AKT3: variants seen among roughly 807,000 people sequenced by gnomAD.
AKT3 encodes AKT serine/threonine kinase 3.
In AKT3, 15 loss-of-function variants were observed where a neutral mutation model predicts 65.3. The observed-to-expected ratio is 0.23, with a 90% CI of 0.15 to 0.35. The LOEUF is 0.35. Ranked by LOEUF, AKT3 falls within the 10% of genes least tolerant of loss-of-function variation. AKT3 has a pLI of 1.00. For missense variants in AKT3, 243 were observed against 576.5 expected (o/e 0.42, Z 5.92); for synonymous variants, 206 against 183.8 (o/e 1.12, Z -0.98).
chr1:243,688,773 C>T (rs758951902), intron 3 of AKT3, among the ~76,000 whole-genome samples: 4 of 152,040 alleles, frequency 2.6e-5, no homozygotes, highest in Non-Finnish European at 4.4e-5. Context: ...AAAATTTCAT[C>T]ACATTGATAT....
intron 2 of AKT3, among the ~76,000 whole-genome samples, chr1:243,713,018 T>A (rs1337619630): frequency 6.6e-6 from 1 of 152,200 alleles, no homozygotes; most frequent in Non-Finnish European, 1.5e-5. Context: ...ACTAACGACA[T>A]TTAAGTTCAA....
rs542256062 is a variant in AKT3, at chr1:243,747,762, A to G, written c.47-52046T>C. Among the ~76,000 whole-genome samples the G allele has an allele frequency of 3.9e-5, 6 of 152,310 alleles. No individual in the cohort carries two copies. In the South Asian group the frequency reaches 1.0e-3, roughly 26 times the overall value. Reference sequence around the variant, plus strand: ...CTTATTGTAAACTGACTTTATCCATAAACACAAAAAAAATCAAAAGGGATA... The same window carrying G: ...CTTATTGTAAACTGACTTTATCCATGAACACAAAAAAAATCAAAAGGGATA... On this transcript the variant is annotated intron_variant, in intron 2 of 13. Coordinates refer to ENST00000673466, the MANE Select transcript of AKT3 (RefSeq NM_005465.7).
At chr1:243,723,543 C>T (rs1338710741) in intron 2 of AKT3, among the ~76,000 whole-genome samples, 1 of 152,160 alleles carries the variant, frequency 6.6e-6, no homozygotes, top group African/African-American at 2.4e-5. Flanking sequence ...TCCCTAGACT[C>T]AAAGCCATTA....
At chr1:243,744,200 A>C (rs1688333946) in intron 2 of AKT3, among the ~76,000 whole-genome samples, 1 of 152,218 alleles carries the variant, frequency 6.6e-6, no homozygotes, top group South Asian at 2.1e-4. Context: ...AATTTTGAAA[A>C]AGCCGCCATA....
At chr1:243,735,966 G>GT (rs1281812440) in intron 2 of AKT3, among the ~76,000 whole-genome samples, 1 of 152,142 alleles carries the variant, frequency 6.6e-6, no homozygotes, top group Non-Finnish European at 1.5e-5. Flanking sequence ...AAGTACAGTG[G>GT]TAAGTAATTT....
At chr1:243,750,429 ACACACG>A (rs770513146) in intron 2 of AKT3, among the ~76,000 whole-genome samples, 33 of 129,344 alleles carry the variant, frequency 2.6e-4, no homozygotes, top group Non-Finnish European at 3.5e-4. Context: ...ACACACACAC[ACACACG>A]CACGCACGCA....
At chr1:243,720,034 C>T (rs148842619) in intron 2 of AKT3, among the ~76,000 whole-genome samples, 172 of 152,166 alleles carry the variant, frequency 1.1e-3, no homozygotes, top group African/African-American at 3.9e-3. Context: ...AAATGGTGGC[C>T]GGGCGCGGTG....
intron 4 of AKT3, among the ~76,000 whole-genome samples, chr1:243,657,050 G>T (rs1681857227): frequency 1.3e-5 from 2 of 152,114 alleles, no homozygotes; most frequent in Admixed American, 1.3e-4. Flanking sequence ...GCAGATACTA[G>T]GTCTACAAAG....
At chr1:243,834,283 C>T (rs545985843) in intron 2 of AKT3, among the ~76,000 whole-genome samples, 3 of 151,940 alleles carry the variant, frequency 2.0e-5, no homozygotes, top group Admixed American at 6.5e-5. Flanking sequence ...CAACAGCAGA[C>T]GAAAATGTGG....
intron 10 of AKT3, among the ~76,000 whole-genome samples, chr1:243,555,181 T>C (rs543927936): frequency 2.0e-5 from 3 of 152,162 alleles, no homozygotes; most frequent in Non-Finnish European, 4.4e-5. Flanking sequence ...TGATGTAACG[T>C]ATTGTCTTCC....
intron 2 of AKT3, among the ~76,000 whole-genome samples, chr1:243,801,105 A>G (rs1362723466): frequency 6.6e-6 from 1 of 152,200 alleles, no homozygotes; most frequent in Non-Finnish European, 1.5e-5. Context: ...CTTATTTTGC[A>G]GCTACAAAGT....
chr1:243,840,396 T>TG (rs1178740036), intron 2 of AKT3, among the ~76,000 whole-genome samples: 2 of 151,174 alleles, frequency 1.3e-5, no homozygotes, highest in Admixed American at 6.6e-5. Flanking sequence ...ACCTAATGCA[T>TG]GGGGGGCTTA....
At chr1:243,798,855 A>C (rs1218697539) in intron 2 of AKT3, among the ~76,000 whole-genome samples, 7 of 152,208 alleles carry the variant, frequency 4.6e-5, no homozygotes, top group Non-Finnish European at 1.0e-4. Flanking sequence ...CTCTTTCATT[A>C]GTCACCAATG....
In AKT3 at chr1:243,684,620, G is replaced by A. The variant is rs532756465; in HGVS notation, c.172+10971C>T. On this transcript the variant is annotated intron_variant, in intron 3 of 13. Coordinates refer to ENST00000673466, the MANE Select transcript of AKT3 (RefSeq NM_005465.7). Reference sequence around the variant, plus strand: ...GTGAATAGGGCTGCAATAAACATACGTGTGCATGTGTCTTTATAGCAAAAT... The same window carrying A: ...GTGAATAGGGCTGCAATAAACATACATGTGCATGTGTCTTTATAGCAAAAT... Among the ~76,000 whole-genome samples, 50 of 152,214 alleles carry A rather than the reference G, an allele frequency of 3.3e-4. No homozygotes were observed. In the South Asian group the frequency reaches 7.9e-3, roughly 24 times the overall value.
At chr1:243,786,519 C>T (rs1479683253) in intron 2 of AKT3, among the ~76,000 whole-genome samples, 1 of 152,146 alleles carries the variant, frequency 6.6e-6, no homozygotes, top group Non-Finnish European at 1.5e-5. Context: ...CTCAAGAAAC[C>T]ACAAATATCT....
chr1:243,496,592 C>A (rs1307657915), downstream of AKT3, among the ~76,000 whole-genome samples: 1 of 152,226 alleles, frequency 6.6e-6, no homozygotes, highest in Non-Finnish European at 1.5e-5. Flanking sequence ...GCTAGAGCCA[C>A]CCACGGAGAC....
At chr1:243,748,862 T>C (rs1358696713) in intron 2 of AKT3, among the ~76,000 whole-genome samples, 1 of 152,170 alleles carries the variant, frequency 6.6e-6, no homozygotes, top group Non-Finnish European at 1.5e-5. Context: ...AGGTTAGCCT[T>C]ACCATACGAA....
chr1:243,776,049 T>C (rs1350524009), intron 2 of AKT3, among the ~76,000 whole-genome samples: 1 of 152,212 alleles, frequency 6.6e-6, no homozygotes, highest in African/African-American at 2.4e-5. Flanking sequence ...TCTCTACTGA[T>C]ACAGTGAAGG....
chr1:243,515,775 G>C (rs1049872855), intron 12 of AKT3, among the ~76,000 whole-genome samples: 3 of 152,164 alleles, frequency 2.0e-5, no homozygotes, highest in Non-Finnish European at 4.4e-5. Flanking sequence ...CAGATCACCA[G>C]GTCAGGAGAT....
Sources: gnomAD v4.1 joint callset for allele counts (sites outside exome capture counted in the v4.1 genomes callset) on GRCh38, gnomAD v4.1.1 for gene constraint, MANE v1.5 for transcripts, NCBI Gene and HGNC (gene_info 2026-07-23, HGNC 2026-07-21) for gene names.